ECM2: variants seen among roughly 807,000 people sequenced by gnomAD.
ECM2 encodes the protein extracellular matrix protein 2, female organ and adipocyte specific.
In ECM2, 57 loss-of-function variants were observed where a neutral mutation model predicts 67.5. That is an observed-to-expected ratio of 0.84 (90% CI 0.68 to 1.05). ECM2 has a LOEUF of 1.05. Among genes scored for constraint, ECM2 ranks in the 50% least tolerant of loss-of-function variants. The pLI is 0.00. For missense variants in ECM2, 741 were observed against 822.8 expected, an observed-to-expected ratio of 0.90 and a Z score of 1.22; for synonymous variants, 258 against 294.5, an observed-to-expected ratio of 0.88 and a Z score of 1.27.
intron 5 of ECM2, 81 bp downstream of exon 5, chr9:92,511,930 T>G (rs372520319): frequency 9.5e-7 from 1 of 1,049,562 alleles, no homozygotes; most frequent in African/African-American, 1.7e-5. Flanking sequence ...CATTTTCCTT[T>G]TCCTCCCTTC....
At chr9:92,535,873 C>A in intron 1 of ECM2, 60 bp downstream of exon 1, 2 of 409,022 alleles carry the variant, frequency 4.9e-6, no homozygotes, top group African/African-American at 2.1e-5. Flanking sequence ...AAATAAAATA[C>A]CCAAATATTA....
intron 1 of ECM2, among the ~76,000 whole-genome samples, chr9:92,529,866 C>T (rs901494362): frequency 6.6e-6 from 1 of 152,178 alleles, no homozygotes; most frequent in African/African-American, 2.4e-5. Context: ...ACAGTATAGT[C>T]AGCCCTTTAT....
the ECM2 span, among the ~76,000 whole-genome samples, chr9:92,555,927 C>T: frequency 3.3e-5 from 5 of 151,890 alleles, no homozygotes; most frequent in African/African-American, 1.2e-4. Context: ...TTCCTTTCTT[C>T]TGCTGGGTCT....
At chr9:92,546,889 A>G in the ECM2 span, among the ~76,000 whole-genome samples, 1 of 152,198 alleles carries the variant, frequency 6.6e-6, no homozygotes, top group South Asian at 2.1e-4. Context: ...AAATCTTCCC[A>G]CAAGAGATAC....
intron 7 of ECM2, among the ~76,000 whole-genome samples, chr9:92,505,060 C>G (rs1846914955): frequency 6.6e-6 from 1 of 152,202 alleles, no homozygotes; most frequent in Non-Finnish European, 1.5e-5. Context: ...CTGAAACAGT[C>G]AGAGGCCTTC....
intron 1 of ECM2, among the ~76,000 whole-genome samples, chr9:92,525,269 G>T (rs528680969): frequency 6.6e-6 from 1 of 151,684 alleles, no homozygotes; most frequent in Non-Finnish European, 1.5e-5. Context: ...AGTGAGCAAT[G>T]ATTGCAGCAC....
chr9:92,556,800 T>A, the ECM2 span, among the ~76,000 whole-genome samples: 16 of 152,206 alleles, frequency 1.1e-4, no homozygotes, highest in Admixed American at 1.0e-3. Flanking sequence ...CTGTTGTGTA[T>A]CTTTTAAGTG....
chr9:92,523,016 G>A (rs990447444), intron 1 of ECM2, 123 bp from the exon 2 acceptor site: 3 of 909,344 alleles, frequency 3.3e-6, no homozygotes, highest in Admixed American at 2.9e-5. Context: ...ATGATATATG[G>A]ACTATATGCT....
chr9:92,554,077 T>G, the ECM2 span, among the ~76,000 whole-genome samples: 71,152 of 152,084 alleles, frequency 0.47, 19,221 homozygotes, highest in African/African-American at 0.74. Context: ...ATTAAGGTAT[T>G]TCCCTTGTGT....
intron 6 of ECM2, among the ~76,000 whole-genome samples, chr9:92,506,460 G>T (rs766619249): frequency 2.0e-5 from 3 of 152,118 alleles, no homozygotes; most frequent in South Asian, 2.1e-4. Flanking sequence ...GCTGCAAAAT[G>T]GACAGCTCAG....
chr9:92,538,501 A>G (rs1239224950), upstream of ECM2, among the ~76,000 whole-genome samples: 2 of 152,242 alleles, frequency 1.3e-5, no homozygotes, highest in Non-Finnish European at 2.9e-5. Flanking sequence ...AATACAAACA[A>G]TCAAAAAAGA....
chr9:92,536,085 T>A, upstream of ECM2: 1 of 484,800 alleles, frequency 2.1e-6, no homozygotes, highest in Non-Finnish European at 4.1e-6. Flanking sequence ...CTAAAATAAC[T>A]GCCTCCCTTG....
At chr9:92,494,138 T>A, downstream of ECM2, 1 of 1,597,622 alleles carries the variant, frequency 6.3e-7, no homozygotes, top group Non-Finnish European at 8.5e-7. Context: ...TAGAACAGCA[T>A]CTGAAACACA....
At chr9:92,529,318 AGTGT>A (rs1239438888) in intron 1 of ECM2, among the ~76,000 whole-genome samples, 1 of 152,216 alleles carries the variant, frequency 6.6e-6, no homozygotes, top group Non-Finnish European at 1.5e-5. Context: ...AGTGCTGGTG[AGTGT>A]GTGGAGCAAC....
intron 5 of ECM2, among the ~76,000 whole-genome samples, chr9:92,510,976 A>G (rs1204821835): frequency 1.3e-5 from 2 of 152,238 alleles, no homozygotes; most frequent in Non-Finnish European, 2.9e-5. Flanking sequence ...TGGAAGACCC[A>G]GAAGACTGCC....
the ECM2 span, among the ~76,000 whole-genome samples, chr9:92,546,294 A>G: frequency 6.6e-6 from 1 of 152,228 alleles, no homozygotes; most frequent in Admixed American, 6.5e-5. Context: ...AGGCAATAAA[A>G]GCAGGCTGCC....
chr9:92,523,572 C>T (rs1848207291), intron 1 of ECM2, among the ~76,000 whole-genome samples: 1 of 152,204 alleles, frequency 6.6e-6, no homozygotes, highest in Non-Finnish European at 1.5e-5. Context: ...TTATTGAGTA[C>T]AATCACTTAG....
chr9:92,539,194 G>A (rs1291872938), upstream of ECM2: 1 of 152,194 alleles, frequency 6.6e-6, no homozygotes, highest in African/African-American at 2.4e-5. Flanking sequence ...GTGGAGTAGG[G>A]CGAGGTAAAA....
At chr9:92,533,318 A>T (rs1312221596) in intron 1 of ECM2, among the ~76,000 whole-genome samples, 97 of 94,726 alleles carry the variant, frequency 1.0e-3, no homozygotes, top group African/African-American at 3.9e-3. Flanking sequence ...AAAAAAAAAA[A>T]AAAAAAAAAA....
Sources: allele counts gnomAD v4.1 joint callset (sites outside exome capture counted in the v4.1 genomes callset), GRCh38; gene constraint gnomAD v4.1.1; transcripts MANE v1.5; gene names NCBI Gene and HGNC (gene_info 2026-07-23, HGNC 2026-07-21).